The following ANKRD11 variants were observed in gnomAD, a reference collection of about 807,000 sequenced individuals.
The protein encoded by ANKRD11 is ankyrin repeat domain 11.
ANKRD11 carries 17 observed loss-of-function variants against 195.7 expected under a neutral mutation model. That is an observed-to-expected ratio of 0.09 (90% CI 0.06 to 0.13). The LOEUF is 0.13. Ranked by LOEUF, ANKRD11 falls within the 10% of genes least tolerant of loss-of-function variation. The pLI is 1.00. For missense variants in ANKRD11, 3,735 were observed against 3,566.1 expected (o/e 1.05, Z -1.21); for synonymous variants, 1,953 against 1,528.1 (o/e 1.28, Z -6.49).
intron 2 of ANKRD11, among the ~76,000 whole-genome samples, chr16:89,406,897 G>C (rs1361264594): frequency 6.6e-6 from 1 of 152,222 alleles, no homozygotes; most frequent in Non-Finnish European, 1.5e-5. Flanking sequence ...AAGAACATCA[G>C]GCCGGACGTG....
At chr16:89,403,634 C>T (rs905773719) in intron 2 of ANKRD11, 1 of 152,222 alleles carries the variant, frequency 6.6e-6, no homozygotes, top group Admixed American at 6.5e-5. Flanking sequence ...GAAGGGATTT[C>T]AAAACACTTC....
chr16:89,323,443 CG>C (rs2037470733), intron 2 of ANKRD11: 1 of 512,574 alleles, frequency 2.0e-6, no homozygotes, highest in Non-Finnish European at 2.8e-6. Context: ...GGGGCTGAGC[CG>C]AGGGCAGGGG....
In ANKRD11 at chr16:89,285,609, G is replaced by A; in HGVS notation, c.933C>T (p.Ser311=). 1 of 1,614,154 alleles carries A rather than the reference G, an allele frequency of 6.2e-7. No individual in the cohort carries two copies. Among genetic ancestry groups the A allele is most frequent in the Non-Finnish European group, 8.5e-7 (1 of 1,180,036 alleles). ...EEEDAPSFAP[S]SSVDGNNTDS... ...CCGTGTTGTTGCCGTCGACTGAACT[G>A]GAAGGTGCGAAGGATGGTGCGTCTT... Residue 311 remains serine (S), a synonymous_variant, in exon 9 of 13, where the codon TCC becomes TCT. Transcript: ENST00000301030. The surrounding 1 kb of genome is among the most constrained non-coding windows in gnomAD (Gnocchi z 5.6).
At chr16:89,367,249 CAG>C (rs2039986832) in intron 2 of ANKRD11, among the ~76,000 whole-genome samples, 1 of 152,234 alleles carries the variant, frequency 6.6e-6, no homozygotes, top group Non-Finnish European at 1.5e-5. Flanking sequence ...AGCGTTCTCT[CAG>C]GGGTGGGTAG....
intron 2 of ANKRD11, among the ~76,000 whole-genome samples, chr16:89,387,314 G>A (rs1363792637): frequency 2.0e-5 from 3 of 152,044 alleles, no homozygotes; most frequent in African/African-American, 7.3e-5. Context: ...CGTCTGTGGT[G>A]AGGGGACAGC....
chr16:89,418,313 G>A lies in ANKRD11; in HGVS notation c.-89C>T, dbSNP rs1051602107. The A allele has an allele frequency of 1.3e-5, 6 of 453,944 alleles. No individual in the cohort carries two copies. The highest frequency in any genetic ancestry group is 6.9e-5 in the East Asian group (1 of 14,410). 28.1% of individuals were successfully genotyped at this position (453,944 alleles called of 1,614,324 possible). A position where few individuals can be genotyped will look rare whatever the true frequency, so the allele number is the denominator to read the frequency against. On this transcript the variant is annotated 5_prime_UTR_variant, in exon 2 of 13. Coordinates refer to ENST00000301030, the MANE Select transcript of ANKRD11 (RefSeq NM_013275.6). The stretch of plus-strand genomic sequence containing the variant: ...TCCATAGCTGAAAGTCAGTGCTGAC[G>A]AGGACTGTCTTTTAAATCCAATGGA...
chr16:89,290,757 T>C lies in ANKRD11; in HGVS notation c.469A>G (p.Thr157Ala), dbSNP rs1360155126. The C allele has an allele frequency of 2.5e-6, 4 of 1,613,974 alleles. No individual in the cohort carries two copies. The highest frequency in any genetic ancestry group is 1.7e-4 in the Middle Eastern group (1 of 6,052). Residue 157 changes from threonine (T) to alanine (A), a missense_variant, in exon 6 of 13, where the codon ACC becomes GCC. Thr to Ala is a moderately conservative substitution (Grantham distance 58, BLOSUM62 0). Transcript: ENST00000301030. ...QKGTPNSASKTKDKVNKRNER... is the reference protein window; with the variant it reads ...QKGTPNSASKAKDKVNKRNER... ...TTTCTCTTGTTCACTTTATCTTTGG[T>C]TTTTGAGGCAGAGTTGGGCGTTCCC...
intron 2 of ANKRD11, among the ~76,000 whole-genome samples, chr16:89,341,248 G>A (rs903299750): frequency 6.6e-6 from 1 of 152,208 alleles, no homozygotes; most frequent in Non-Finnish European, 1.5e-5. Context: ...AGCAGACCCG[G>A]TTTGGAAACA....
At chr16:89,366,979 T>G (rs1399758312) in intron 2 of ANKRD11, among the ~76,000 whole-genome samples, 1 of 152,214 alleles carries the variant, frequency 6.6e-6, no homozygotes, top group African/African-American at 2.4e-5. Flanking sequence ...TTAGGTCCGC[T>G]GATTGTGGTT....
At chr16:89,404,542 GAGA>G (rs879272822) in intron 2 of ANKRD11, among the ~76,000 whole-genome samples, 2 of 152,240 alleles carry the variant, frequency 1.3e-5, no homozygotes, top group African/African-American at 2.4e-5. Flanking sequence ...GTAAAGAGAA[GAGA>G]AGGAAAAGCT....
At chr16:89,409,035 A>G (rs1464142843) in intron 2 of ANKRD11, among the ~76,000 whole-genome samples, 3 of 152,236 alleles carry the variant, frequency 2.0e-5, no homozygotes, top group Non-Finnish European at 2.9e-5. Flanking sequence ...CCACAGCCAC[A>G]GCAGAGAATT....
intron 1 of ANKRD11, among the ~76,000 whole-genome samples, chr16:89,457,915 A>G (rs1217655203): frequency 6.6e-6 from 1 of 152,176 alleles, no homozygotes; most frequent in African/African-American, 2.4e-5. Context: ...CCAATACACA[A>G]TCGTCAGATT....
chr16:89,415,817 T>A (rs1903025560), intron 2 of ANKRD11, among the ~76,000 whole-genome samples: 2 of 49,496 alleles, frequency 4.0e-5, no homozygotes, highest in Admixed American at 2.4e-4. Flanking sequence ...ACAACAAAGC[T>A]AGACTCTGTC....
chr16:89,427,018 C>T lies in ANKRD11; in HGVS notation c.-144-8650G>A, dbSNP rs557548787. On this transcript the variant is annotated intron_variant, in intron 1 of 12. Transcript: ENST00000301030. ...GAGATACAACTCCATGAAGAACCATCTCTTGGTATGCAACAAGGTCTTCAG... is the reference window on the plus strand; with the variant it reads ...GAGATACAACTCCATGAAGAACCATTTCTTGGTATGCAACAAGGTCTTCAG... Among the ~76,000 whole-genome samples the T allele has an allele frequency of 2.0e-5, 3 of 152,346 alleles. No homozygotes were observed. In the South Asian group the frequency reaches 6.2e-4, roughly 32 times the overall value.
chr16:89,268,805 C>G, intron 12 of ANKRD11, 142 bp from the exon 13 acceptor site: 1 of 926,924 alleles, frequency 1.1e-6, no homozygotes, highest in South Asian at 1.6e-5. Flanking sequence ...GCTGTACCCG[C>G]TCCTGGCATC....
At chr16:89,328,296 G>A (rs765853323) in intron 2 of ANKRD11, among the ~76,000 whole-genome samples, 2 of 152,180 alleles carry the variant, frequency 1.3e-5, no homozygotes, top group Non-Finnish European at 2.9e-5. Context: ...GCAGCCTTAC[G>A]AACCTAAGTG....
intron 4 of ANKRD11, 173 bp downstream of exon 4, chr16:89,305,033 G>A: frequency 1.0e-6 from 1 of 983,472 alleles, no homozygotes; most frequent in South Asian, 1.7e-5. Context: ...TGCAAAGGAG[G>A]TGGCATGTGG....
intron 1 of ANKRD11, among the ~76,000 whole-genome samples, chr16:89,476,390 C>G (rs189273770): frequency 5.3e-5 from 8 of 152,334 alleles, no homozygotes; most frequent in African/African-American, 1.9e-4. Context: ...TCCTCAGGTT[C>G]TTGGGTTATT....
intron 3 of ANKRD11, among the ~76,000 whole-genome samples, chr16:89,305,630 A>C (rs1420281870): frequency 6.8e-6 from 1 of 147,858 alleles, no homozygotes; most frequent in African/African-American, 2.6e-5. Context: ...CAGAGGAGAC[A>C]CACACGCGCT....
Sources: gnomAD v4.1 joint callset for allele counts (sites outside exome capture counted in the v4.1 genomes callset) on GRCh38, gnomAD v4.1.1 for gene constraint, Gnocchi (gnomAD v3.1) non-coding constraint, MANE v1.5 for transcripts, NCBI Gene and HGNC (gene_info 2026-07-23, HGNC 2026-07-21) for gene names.